Variants in MND1 observed in about 807,000 individuals in gnomAD.
MND1 encodes meiotic nuclear division protein 1 homolog.
MND1 carries 28 observed loss-of-function variants against 35.1 expected under a neutral mutation model. The observed-to-expected ratio is 0.80, with a 90% CI of 0.59 to 1.09. The LOEUF (loss-of-function observed/expected upper bound fraction) is 1.09. Among genes scored for constraint, MND1 ranks in the 50% least tolerant of loss-of-function variants. The pLI is 0.00. For synonymous variants in MND1, 69 were observed against 70.5 expected, an observed-to-expected ratio of 0.98 and a Z score of 0.11; for missense variants, 213 against 239.6, an observed-to-expected ratio of 0.89 and a Z score of 0.73.
At chr4:153,385,396 G>A (rs560816495) in intron 4 of MND1, among the ~76,000 whole-genome samples, 36 of 152,196 alleles carry the variant, frequency 2.4e-4, no homozygotes, top group African/African-American at 7.7e-4. Context: ...TTGATTTAAC[G>A]ACTCATTTAA....
At chr4:153,360,604 G>A (rs13106035) in intron 4 of MND1, among the ~76,000 whole-genome samples, 17,293 of 128,128 alleles carry the variant, frequency 0.13, 1,047 homozygotes, top group African/African-American at 0.17. Context: ...GTGTGTGTGT[G>A]TGTATATATA....
chr4:153,406,432 G>A (rs572455868), intron 6 of MND1, among the ~76,000 whole-genome samples: 2 of 152,154 alleles, frequency 1.3e-5, no homozygotes, highest in East Asian at 3.9e-4. Context: ...TGAGGCAGGA[G>A]AATCGCTTGA....
intron 3 of MND1, among the ~76,000 whole-genome samples, chr4:153,357,973 A>G (rs1264191238): frequency 1.3e-5 from 2 of 152,186 alleles, no homozygotes; most frequent in African/African-American, 4.8e-5. Flanking sequence ...TTATTTACTA[A>G]GCACTGATGC....
chr4:153,364,518 G>GAAA (rs70963167), intron 4 of MND1, among the ~76,000 whole-genome samples: 6 of 141,352 alleles, frequency 4.2e-5, no homozygotes, highest in African/African-American at 1.6e-4. Context: ...CCCTGTTTAA[G>GAAA]AAAAAAAAAA....
At chr4:153,393,724 A>G (rs1305204038) in intron 4 of MND1, among the ~76,000 whole-genome samples, 7 of 151,922 alleles carry the variant, frequency 4.6e-5, no homozygotes, top group African/African-American at 7.3e-5. Context: ...AGTTACTTGG[A>G]GTAGGAGTGG....
At chr4:153,393,919 G>GTTTTTTTTTTTTTT (rs1360869360) in intron 4 of MND1, among the ~76,000 whole-genome samples, 1 of 55,574 alleles carries the variant, frequency 1.8e-5, no homozygotes, top group Non-Finnish European at 3.6e-5. Context: ...GTTTGACTTT[G>GTTTTTTTTTTTTTT]TTTTCTTTTT....
At chr4:153,375,764 T>A (rs934496557) in intron 4 of MND1, among the ~76,000 whole-genome samples, 5 of 152,298 alleles carry the variant, frequency 3.3e-5, no homozygotes, top group African/African-American at 1.2e-4. Flanking sequence ...TATATTCTGA[T>A]ATTAAGCAAA....
chr4:153,347,198 AT>A (rs1159623792), intron 1 of MND1, among the ~76,000 whole-genome samples: 1 of 152,118 alleles, frequency 6.6e-6, no homozygotes, highest in African/African-American at 2.4e-5. Flanking sequence ...ACTGTTATGA[AT>A]TTCATGCTTG....
chr4:153,389,074 A>G (rs1181835873), intron 4 of MND1, among the ~76,000 whole-genome samples: 1 of 152,242 alleles, frequency 6.6e-6, no homozygotes, highest in Admixed American at 6.5e-5. Context: ...ACAGCAATAT[A>G]GAAAACCAAT....
intron 3 of MND1, among the ~76,000 whole-genome samples, chr4:153,356,371 A>T (rs1368924213): frequency 6.6e-6 from 1 of 151,958 alleles, no homozygotes; most frequent in African/African-American, 2.4e-5. Context: ...CTGCCTACTA[A>T]AACCCCGTCT....
intron 4 of MND1, chr4:153,363,024 A>T: frequency 2.0e-6 from 2 of 985,200 alleles, no homozygotes; most frequent in Non-Finnish European, 2.4e-6. Context: ...TGCAAGATGG[A>T]GGTAAGCTCC....
At chr4:153,370,847 G>C (rs1773773384) in intron 4 of MND1, among the ~76,000 whole-genome samples, 1 of 151,974 alleles carries the variant, frequency 6.6e-6, no homozygotes, top group African/African-American at 2.4e-5. Context: ...ATCTAGAATG[G>C]TGAATCCTTC....
At chr4:153,393,728 G>A (rs1343935874) in intron 4 of MND1, among the ~76,000 whole-genome samples, 2 of 151,754 alleles carry the variant, frequency 1.3e-5, no homozygotes, top group East Asian at 1.9e-4. Flanking sequence ...ACTTGGAGTA[G>A]GAGTGGGGAA....
intron 6 of MND1, among the ~76,000 whole-genome samples, chr4:153,399,100 A>G (rs1729276713): frequency 6.6e-6 from 1 of 152,226 alleles, no homozygotes; most frequent in African/African-American, 2.4e-5. Context: ...GAGTTTCACG[A>G]TAACCAAATC....
chr4:153,390,202 A>G (rs1451668124), intron 4 of MND1, among the ~76,000 whole-genome samples: 2 of 152,212 alleles, frequency 1.3e-5, no homozygotes, highest in African/African-American at 4.8e-5. Context: ...AGCTGATAGC[A>G]TGGGCAGCCC....
chr4:153,361,054 G>T (rs557270027), intron 4 of MND1, among the ~76,000 whole-genome samples: 1 of 152,252 alleles, frequency 6.6e-6, no homozygotes, highest in South Asian at 2.1e-4. Context: ...GCCCAGGCTG[G>T]TCTTGAACTC....
chr4:153,370,201 G>C (rs1773756479), intron 4 of MND1, among the ~76,000 whole-genome samples: 1 of 151,988 alleles, frequency 6.6e-6, no homozygotes, highest in Non-Finnish European at 1.5e-5. Flanking sequence ...AGAATCACTT[G>C]AACCTAGGAG....
Position 153,350,831 on chromosome 4 carries a change from T to C in MND1, c.69+702T>C, listed in dbSNP as rs1773195495. Among the ~76,000 whole-genome samples the C allele has an allele frequency of 3.3e-5, 5 of 151,948 alleles. No individual in the cohort carries two copies. In the South Asian group the frequency reaches 1.0e-3, roughly 31 times the overall value. ...ATGGCTTGGCAGGACCTACAAAGCC[T>C]AGTTGGCCCCAGTCTACTGGCTATT... On this transcript the variant is annotated intron_variant, in intron 2 of 7. Coordinates refer to ENST00000240488, the MANE Select transcript of MND1 (RefSeq NM_032117.4).
At chr4:153,409,342 A>G (rs1403751697) in intron 7 of MND1, among the ~76,000 whole-genome samples, 1 of 141,018 alleles carries the variant, frequency 7.1e-6, no homozygotes, top group Non-Finnish European at 1.5e-5. Flanking sequence ...CTTTTAAGAT[A>G]ATGAAATCTT....
Sources: gnomAD v4.1 joint callset for allele counts (sites outside exome capture counted in the v4.1 genomes callset) on GRCh38, gnomAD v4.1.1 for gene constraint, MANE v1.5 for transcripts, NCBI Gene and HGNC (gene_info 2026-07-23, HGNC 2026-07-21) for gene names.